The following ROBO2 variants were observed in gnomAD, a reference collection of about 807,000 sequenced individuals.
The protein encoded by ROBO2 is roundabout guidance receptor 2, also known as roundabout homolog 2.
ROBO2 carries 53 observed loss-of-function variants against 160.8 expected under a neutral mutation model. The ratio of observed to expected loss-of-function variants is 0.33; its 90% CI spans 0.26 to 0.41. ROBO2 has a LOEUF of 0.41. ROBO2 is among the 10% of genes least tolerant of loss of function. The probability of loss-of-function intolerance (pLI) is 1.00; values close to 1 mark genes in which losing one functional copy is unlikely to be tolerated. For synonymous variants in ROBO2, 664 were observed against 611.7 expected (o/e 1.09, Z -1.26); for missense variants, 1,577 against 1,722.4 (o/e 0.92, Z 1.49).
intron 2 of ROBO2, among the ~76,000 whole-genome samples, chr3:77,243,264 T>G (rs2151384172): frequency 6.6e-6 from 1 of 152,330 alleles, no homozygotes; most frequent in African/African-American, 2.4e-5. Context: ...AATCATTATT[T>G]AAGACTAAAT....
chr3:77,240,496 C>T (rs537462443), intron 2 of ROBO2, among the ~76,000 whole-genome samples: 27 of 152,284 alleles, frequency 1.8e-4, no homozygotes, highest in East Asian at 1.8e-3. Flanking sequence ...CAGAGGGAGC[C>T]GGCTCCAGCC....
At chr3:76,750,482 A>G (rs986129284) in intron 2 of ROBO2, among the ~76,000 whole-genome samples, 3 of 152,278 alleles carry the variant, frequency 2.0e-5, no homozygotes, top group African/African-American at 7.2e-5. Flanking sequence ...AAGGGTATTC[A>G]ATTAGGAAAA....
chr3:75,915,887 C>A (rs1946791773), intron 1 of ROBO2, among the ~76,000 whole-genome samples: 2 of 152,096 alleles, frequency 1.3e-5, no homozygotes, highest in African/African-American at 2.4e-5. Context: ...TTAAGAAAAT[C>A]TGAACAATTT....
At chr3:76,749,265 A>ATTT (rs545585261) in intron 2 of ROBO2, among the ~76,000 whole-genome samples, 1 of 151,276 alleles carries the variant, frequency 6.6e-6, no homozygotes, top group African/African-American at 2.4e-5. Context: ...AAAAAATAGA[A>ATTT]TTTTTTTTTC....
At chr3:76,874,007 T>C (rs2072430075) in intron 2 of ROBO2, among the ~76,000 whole-genome samples, 2 of 152,024 alleles carry the variant, frequency 1.3e-5, no homozygotes, top group Admixed American at 1.3e-4. Flanking sequence ...AACAGAAGCA[T>C]AACAGAAGTA....
intron 2 of ROBO2, among the ~76,000 whole-genome samples, chr3:77,408,377 A>G (rs1384227236): frequency 2.6e-5 from 4 of 152,210 alleles, no homozygotes; most frequent in Admixed American, 6.5e-5. Flanking sequence ...AAATAAAAGC[A>G]TGTGCTTTTT....
intron 2 of ROBO2, among the ~76,000 whole-genome samples, chr3:76,563,887 C>G (rs888664051): frequency 6.6e-6 from 1 of 152,156 alleles, no homozygotes; most frequent in African/African-American, 2.4e-5. Flanking sequence ...AAGTCCAGGT[C>G]ATAAACAAGC....
chr3:76,034,510 A>G (rs1453214814), intron 2 of ROBO2, among the ~76,000 whole-genome samples: 3 of 152,226 alleles, frequency 2.0e-5, no homozygotes, highest in East Asian at 1.9e-4. Flanking sequence ...AACAAAGTTG[A>G]AAGTATGTTG....
At chr3:75,911,552 CTTTTTTTT>C (rs56787695) in intron 1 of ROBO2, among the ~76,000 whole-genome samples, 1,661 of 83,580 alleles carry the variant, frequency 0.02, 40 homozygotes, top group African/African-American at 0.073. Context: ...AGCCTTGTTT[CTTTTTTTT>C]TTTTTTTTTT....
chr3:76,512,165 C>A (rs967299816), intron 2 of ROBO2, among the ~76,000 whole-genome samples: 15 of 151,886 alleles, frequency 9.9e-5, no homozygotes, highest in African/African-American at 3.6e-4. Flanking sequence ...TTTTAAAAGC[C>A]TTCCTGAAAA....
At chr3:76,200,564 C>T (rs1467220025) in intron 2 of ROBO2, among the ~76,000 whole-genome samples, 1 of 151,986 alleles carries the variant, frequency 6.6e-6, no homozygotes, top group Non-Finnish European at 1.5e-5. Context: ...TTAATACGTC[C>T]AGTATAGGGG....
intron 2 of ROBO2, among the ~76,000 whole-genome samples, chr3:77,267,367 CA>C (rs778489513): frequency 9.9e-5 from 15 of 152,144 alleles, no homozygotes; most frequent in Non-Finnish European, 2.1e-4. Flanking sequence ...TTGGACATCA[CA>C]GGGAAACTCG....
chr3:76,565,522 G>A (rs1302641009), intron 2 of ROBO2, among the ~76,000 whole-genome samples: 2 of 152,258 alleles, frequency 1.3e-5, no homozygotes, highest in East Asian at 3.9e-4. Flanking sequence ...TGTAGTTGAA[G>A]CACAAAATGT....
chr3:76,284,672 G>A (rs1261463014), intron 2 of ROBO2, among the ~76,000 whole-genome samples: 1 of 152,050 alleles, frequency 6.6e-6, no homozygotes, highest in Non-Finnish European at 1.5e-5. Context: ...AAACAATCCT[G>A]AAAACTCTTG....
intron 2 of ROBO2, among the ~76,000 whole-genome samples, chr3:76,450,158 A>G (rs192389318): frequency 5.8e-4 from 88 of 152,242 alleles, no homozygotes; most frequent in African/African-American, 2.0e-3. Context: ...ATGTTTTTCA[A>G]TGCTGATAGA....
chr3:76,434,698 AC>A, intron 2 of ROBO2: 1 of 1,092,242 alleles, frequency 9.2e-7, no homozygotes, highest in African/African-American at 1.5e-5. Context: ...CTCCCCGTTC[AC>A]CAGGCAGGCC....
At chr3:77,418,072 A>C (rs779253249) in intron 2 of ROBO2, among the ~76,000 whole-genome samples, 31 of 152,152 alleles carry the variant, frequency 2.0e-4, no homozygotes, top group Non-Finnish European at 3.4e-4. Flanking sequence ...TTGCTACCTC[A>C]AGTGATTTCT....
intron 2 of ROBO2, among the ~76,000 whole-genome samples, chr3:76,734,023 C>G (rs1161506041): frequency 1.3e-5 from 2 of 152,116 alleles, no homozygotes; most frequent in Admixed American, 6.5e-5. Flanking sequence ...TTTCCCATGT[C>G]TCTGCTTATG....
At chr3:76,688,040 GC>G (rs1381346614) in intron 2 of ROBO2, among the ~76,000 whole-genome samples, 3 of 151,554 alleles carry the variant, frequency 2.0e-5, no homozygotes. Context: ...CTCCTTATTA[GC>G]TTTTAAATAC....
Sources: allele counts gnomAD v4.1 joint callset (sites outside exome capture counted in the v4.1 genomes callset), GRCh38; gene constraint gnomAD v4.1.1; transcripts MANE v1.5; gene names NCBI Gene and HGNC (gene_info 2026-07-23, HGNC 2026-07-21).